B3GALT9: variants seen among roughly 807,000 people sequenced by gnomAD.
The protein encoded by B3GALT9 is beta-1,3-galactosyltransferase 9.
rs1280101854 is a variant in B3GALT9, at chr9:120,799,447, GA to G, written c.883del (p.Arg295GlyfsTer26). ...CCATCCACAGCTCAAGGTTTTCTGG[GA>G]AAAGGCACATTAGATACAACAGATG... ...IPIHSSRFSG[K>X]RHIRYNRCCY... On this transcript the variant is annotated frameshift_variant, in exon 3 of 3. Transcript: ENST00000689072. LOFTEE classifies it high-confidence loss of function. 2.0e-5 allele frequency: 8 copies of G among 399,108 alleles called. No homozygotes were observed. The highest frequency in any genetic ancestry group is 3.5e-5 in the Non-Finnish European group (8 of 226,112). 24.7% of individuals were successfully genotyped at this position (399,108 alleles called of 1,614,324 possible).
At chr9:120,794,506 T>TTGTGTGTG (rs10589412) in intron 1 of B3GALT9, among the ~76,000 whole-genome samples, 145 of 142,166 alleles carry the variant, frequency 1.0e-3, no homozygotes, top group African/African-American at 3.6e-3. Flanking sequence ...GCCCAGCTAG[T>TTGTGTGTG]TGTGTGTGTG....
Position 120,798,580 on chromosome 9 carries a change from T to C in B3GALT9, c.12T>C (p.Thr4=), listed in dbSNP as rs1374062116. The C allele has an allele frequency of 2.5e-6, 1 of 399,614 alleles. No individual in the cohort carries two copies. Among genetic ancestry groups the C allele is most frequent in the African/African-American group, 2.1e-5 (1 of 48,640 alleles). 24.8% of individuals were successfully genotyped at this position (399,614 alleles called of 1,614,324 possible). The change falls in exon 3 of 3, where the codon ACT becomes ACC. Residue 4 remains threonine, a synonymous_variant. Coordinates refer to ENST00000689072, the MANE Select transcript of B3GALT9 (RefSeq NM_001386823.1). ...CGTGTCCTTTCCTTTTTTAGGTGAC[T>C]TTCTGCAGACTTCGGACTCACCAGT... The part of the protein sequence containing the change: MQV[T]FCRLRTHQWC...
intron 2 of B3GALT9, among the ~76,000 whole-genome samples, chr9:120,797,160 G>GAGAA (rs572185237): frequency 6.7e-6 from 1 of 149,264 alleles, no homozygotes; most frequent in East Asian, 1.9e-4. Context: ...AAGAAAGAAA[G>GAGAA]AGAAAGAAAG....
rs2044960202 is a variant in B3GALT9 at position 120,799,882 on chromosome 9, A to G, written c.*204A>G. ...AAAAAATTTAAGTTGGTGTAGCATAATTCTTTTCAAAATGAAATATTTCTC... is the reference window on the plus strand; with the variant it reads ...AAAAAATTTAAGTTGGTGTAGCATAGTTCTTTTCAAAATGAAATATTTCTC... On this transcript the variant is annotated 3_prime_UTR_variant, in exon 3 of 3. Transcript: ENST00000689072. 2.7e-6 allele frequency: 1 copy of G among 375,852 alleles called. No individual in the cohort carries two copies. The highest frequency in any genetic ancestry group is 4.7e-6 in the Non-Finnish European group (1 of 212,968). The allele number at this position is 375,852 out of a possible 1,614,324, so 23.3% of individuals were successfully genotyped here.
At chr9:120,795,406 GC>G (rs571455116) in intron 1 of B3GALT9, among the ~76,000 whole-genome samples, 497 of 152,294 alleles carry the variant, frequency 3.3e-3, no homozygotes, top group Non-Finnish European at 4.3e-3. Context: ...GCAAATTTAA[GC>G]CCAGAGGGGA....
Position 120,799,662 on chromosome 9 carries a change from T to A in B3GALT9, c.1094T>A (p.Met365Lys). ...FHMGTIKNNL[M>K]YFAD ...ATGGGGACCATAAAAAACAATCTCA[T>A]GTATTTTGCTGATTAGGATTTCTTT... Residue 365 changes from methionine (M) to lysine (K), a missense_variant, in exon 3 of 3, where the codon ATG (methionine) becomes AAG (lysine). By Grantham distance (95) the Met-to-Lys change is moderately conservative. Coordinates refer to ENST00000689072, the MANE Select transcript of B3GALT9 (RefSeq NM_001386823.1). 1 of 399,046 alleles carries A rather than the reference T, an allele frequency of 2.5e-6. No homozygotes were observed. Among genetic ancestry groups the A allele is most frequent in the East Asian group, 3.6e-5 (1 of 28,076 alleles). The allele number at this position is 399,046 out of a possible 1,614,324, so 24.7% of individuals were successfully genotyped here.
chr9:120,793,492 G>A lies in B3GALT9; in HGVS notation c.-612G>A. ...GCACTTCCGGTCCCCGCCCGGAGGT[G>A]GGTGGTGGGAGGCTGGAGGCCGGGA... is the stretch of plus-strand genomic sequence containing the variant. On this transcript the variant is annotated 5_prime_UTR_variant, in exon 1 of 3. Coordinates refer to ENST00000689072, the MANE Select transcript of B3GALT9 (RefSeq NM_001386823.1). 2.5e-6 allele frequency: 1 copy of A among 399,796 alleles called. No homozygotes were observed. Among genetic ancestry groups the A allele is most frequent in the East Asian group, 3.6e-5 (1 of 28,052 alleles). The allele number at this position is 399,796 out of a possible 1,614,324, so 24.8% of individuals were successfully genotyped here.
At position 120,799,157 on chromosome 9, in the gene B3GALT9, C is replaced by A. The variant is rs542090230; in HGVS notation, c.589C>A (p.Leu197Ile). The change falls in exon 3 of 3, where the codon CTT becomes ATT. Residue 197 changes from leucine to isoleucine, a missense_variant. Leu to Ile is a conservative substitution (Grantham distance 5). Transcript: ENST00000689072. ...FVNLPSLVDY[L>I]LNLKEHLEDI... ...CAATCTACCAAGCTTGGTAGACTAT[C>A]TTCTCAATCTGAAAGAACACCTAGA... The A allele has an allele frequency of 6.3e-5, 25 of 398,822 alleles. No homozygotes were observed. Among genetic ancestry groups the A allele is most frequent in the Non-Finnish European group, 6.2e-5 (14 of 226,072 alleles). The allele number at this position is 398,822 out of a possible 1,614,324, so 24.7% of individuals were successfully genotyped here.
chr9:120,795,888 A>C (rs145275940), intron 1 of B3GALT9, among the ~76,000 whole-genome samples: 72 of 152,344 alleles, frequency 4.7e-4, no homozygotes, highest in African/African-American at 1.7e-3. Context: ...TCAAATGTTT[A>C]GTTTCTTCAA....
In B3GALT9 at chr9:120,799,286, G is replaced by C. The variant is rs1480123137; in HGVS notation, c.718G>C (p.Asp240His). 5.0e-6 allele frequency: 2 copies of C among 399,374 alleles called. No homozygotes were observed. Among genetic ancestry groups the C allele is most frequent in the Non-Finnish European group, 8.8e-6 (2 of 226,186 alleles). 24.7% of individuals were successfully genotyped at this position (399,374 alleles called of 1,614,324 possible). A position where few individuals can be genotyped will look rare whatever the true frequency, so the allele number is the denominator to read the frequency against. Residue 240 changes from aspartate (D) to histidine (H), a missense_variant, in exon 3 of 3, where the codon GAT becomes CAT. Physicochemically the swap from Asp to His is moderately conservative, Grantham distance 81. Transcript: ENST00000689072. ...LSEYPEKYYPDYCSGEAFIMS... is the reference protein window; with the variant it reads ...LSEYPEKYYPHYCSGEAFIMS... ...TGAGTACCCAGAAAAATACTACCCA[G>C]ATTACTGCAGTGGTGAGGCCTTTAT...
intron 1 of B3GALT9, among the ~76,000 whole-genome samples, chr9:120,795,903 G>A (rs1159543247): frequency 6.6e-6 from 1 of 152,148 alleles, no homozygotes; most frequent in African/African-American, 2.4e-5. Context: ...CTTCAATTCC[G>A]GCTAAAGTGG....
In B3GALT9 at chr9:120,799,567, G is replaced by A; in HGVS notation, c.999G>A (p.Leu333=). The A allele has an allele frequency of 2.5e-6, 1 of 399,696 alleles. No homozygotes were observed. Among genetic ancestry groups the A allele is most frequent in the South Asian group, 1.3e-4 (1 of 7,856 alleles). The allele number at this position is 399,696 out of a possible 1,614,324, so 24.8% of individuals were successfully genotyped here. The change falls in exon 3 of 3, where the codon CTG becomes CTA. Residue 333 remains leucine, a synonymous_variant. Transcript: ENST00000689072. ...TTAATGATGGAAAAGAATGTACACT[G>A]TTTGAGACATCCTATGAGCTCATTT... ...KEINDGKECT[L]FETSYELISC... is the part of the protein sequence containing the mutation.
rs974636133 is a variant in B3GALT9 at position 120,799,500 on chromosome 9, C to T, written c.932C>T (p.Ser311Leu). The T allele has an allele frequency of 2.0e-5, 8 of 399,472 alleles. No individual in the cohort carries two copies. Among genetic ancestry groups the T allele is most frequent in the African/African-American group, 4.1e-5 (2 of 48,610 alleles). 24.7% of individuals were successfully genotyped at this position (399,472 alleles called of 1,614,324 possible). The change falls in exon 3 of 3, where the codon TCA (serine) becomes TTA (leucine). Residue 311 changes from serine to leucine, a missense_variant. Coordinates refer to ENST00000689072, the MANE Select transcript of B3GALT9 (RefSeq NM_001386823.1). ...TGCTATAAGTTCATTTTTACATCCTCAGAAATTGCAGATCCTGAAATGCCC... is the reference window on the plus strand; with the variant it reads ...TGCTATAAGTTCATTTTTACATCCTTAGAAATTGCAGATCCTGAAATGCCC... ...RCCYKFIFTS[S>L]EIADPEMPLA...
intron 1 of B3GALT9, among the ~76,000 whole-genome samples, chr9:120,795,388 C>T (rs1362356180): frequency 6.6e-6 from 1 of 152,128 alleles, no homozygotes; most frequent in Non-Finnish European, 1.5e-5. Context: ...ACAAAGAAAC[C>T]AAATTGTGCA....
At position 120,800,911 on chromosome 9, in the gene B3GALT9, C is replaced by G. The variant is rs959227638; in HGVS notation, c.*1233C>G. On this transcript the variant is annotated 3_prime_UTR_variant, in exon 3 of 3. Coordinates refer to ENST00000689072, the MANE Select transcript of B3GALT9 (RefSeq NM_001386823.1). Reference sequence around the variant, plus strand: ...GTCTCTGGTAACCTCCATTTACTCTCTGTTTCTATGAATTTGAGTTTTTTT... The same window carrying G: ...GTCTCTGGTAACCTCCATTTACTCTGTGTTTCTATGAATTTGAGTTTTTTT... Among the ~76,000 whole-genome samples the G allele has an allele frequency of 1.3e-5, 2 of 152,204 alleles. No individual in the cohort carries two copies. The highest frequency in any genetic ancestry group is 4.8e-5 in the African/African-American group (2 of 41,454).
Position 120,799,100 on chromosome 9 carries a change from T to G in B3GALT9, c.532T>G (p.Phe178Val), listed in dbSNP as rs1241306978. The change falls in exon 3 of 3, where the codon TTC becomes GTC. Residue 178 changes from phenylalanine to valine, a missense_variant. Coordinates refer to ENST00000689072, the MANE Select transcript of B3GALT9 (RefSeq NM_001386823.1). ...TGTGGCTTTCTGCCCTAATGCCCTG[T>G]TCATTCTCAAGGTGGATGAAGAGAC... is the stretch of plus-strand genomic sequence containing the variant. ...WAVAFCPNAL[F>V]ILKVDEETFV... 1 of 399,006 alleles carries G rather than the reference T, an allele frequency of 2.5e-6. No individual in the cohort carries two copies. Among genetic ancestry groups the G allele is most frequent in the East Asian group, 3.6e-5 (1 of 28,082 alleles). The allele number at this position is 399,006 out of a possible 1,614,324, so 24.7% of individuals were successfully genotyped here.
chr9:120,800,610 T>C lies in B3GALT9; in HGVS notation c.*932T>C, dbSNP rs1001851544. Among the ~76,000 whole-genome samples the C allele has an allele frequency of 6.6e-6, 1 of 152,096 alleles. No individual in the cohort carries two copies. The highest frequency in any genetic ancestry group is 2.4e-5 in the African/African-American group (1 of 41,418). On this transcript the variant is annotated 3_prime_UTR_variant, in exon 3 of 3. Transcript: ENST00000689072. ...TAAGTTTTTTTTTTTATAAACTGAC[T>C]AGTAAAAATTATGTATATTTATGTT...
rs2044968981 is a variant in B3GALT9 at position 120,801,489 on chromosome 9, C to T, written c.*1811C>T. Reference sequence around the variant, plus strand: ...GCACAGTGGCTCATGGCTGTAATCCCAGCACTTTGGGAGGCCAAGGCAGGT... The same window carrying T: ...GCACAGTGGCTCATGGCTGTAATCCTAGCACTTTGGGAGGCCAAGGCAGGT... On this transcript the variant is annotated 3_prime_UTR_variant, in exon 3 of 3. Transcript: ENST00000689072. 6.6e-6 allele frequency among the ~76,000 whole-genome samples: 1 copy of T among 152,118 alleles called. No individual in the cohort carries two copies. The highest frequency in any genetic ancestry group is 1.5e-5 in the Non-Finnish European group (1 of 68,024).
intron 2 of B3GALT9, among the ~76,000 whole-genome samples, chr9:120,798,153 TC>T: frequency 6.6e-6 from 1 of 152,344 alleles, no homozygotes; most frequent in East Asian, 1.9e-4. Context: ...ATCCAGGTGT[TC>T]CCATTCAAGA....
Sources: gnomAD v4.1 joint callset for allele counts (sites outside exome capture counted in the v4.1 genomes callset) on GRCh38, gnomAD v4.1.1 for gene constraint, MANE v1.5 for transcripts, NCBI Gene and HGNC (gene_info 2026-07-23, HGNC 2026-07-21) for gene names.